CNTN5: variants seen among roughly 807,000 people sequenced by gnomAD.
CNTN5 encodes the protein contactin 5.
CNTN5 carries 77 observed loss-of-function variants against 129.1 expected under a neutral mutation model. That is an observed-to-expected ratio of 0.60 (90% CI 0.50 to 0.72). The LOEUF is 0.72. CNTN5 is among the 30% of genes least tolerant of loss of function. The pLI is 0.00. For synonymous variants in CNTN5, 509 were observed against 465.6 expected (o/e 1.09, Z -1.20); for missense variants, 1,478 against 1,328.8 (o/e 1.11, Z -1.75).
chr11:99,128,110 A>C (rs1322885854), intron 1 of CNTN5, among the ~76,000 whole-genome samples: 4 of 152,208 alleles, frequency 2.6e-5, no homozygotes, highest in Non-Finnish European at 5.9e-5. Context: ...GTCATGGAAA[A>C]GGGACTGAAG....
At chr11:99,800,624 A>G (rs1946084970) in intron 3 of CNTN5, among the ~76,000 whole-genome samples, 2 of 152,128 alleles carry the variant, frequency 1.3e-5, no homozygotes, top group Admixed American at 1.3e-4. Flanking sequence ...AAGTGCTCTA[A>G]TGTTTGATGA....
intron 3 of CNTN5, among the ~76,000 whole-genome samples, chr11:99,764,664 C>T (rs996371888): frequency 3.3e-5 from 5 of 152,118 alleles, no homozygotes; most frequent in African/African-American, 7.2e-5. Context: ...GATCCGCCTG[C>T]CTCAGCCTCC....
At chr11:100,313,351 G>C (rs1219506466) in intron 21 of CNTN5, among the ~76,000 whole-genome samples, 1 of 151,666 alleles carries the variant, frequency 6.6e-6, no homozygotes, top group Non-Finnish European at 1.5e-5. Flanking sequence ...TTTAGAGGCA[G>C]GGCTGGCAGG....
chr11:99,774,754 A>T (rs1392147955), intron 3 of CNTN5, among the ~76,000 whole-genome samples: 1 of 152,054 alleles, frequency 6.6e-6, no homozygotes, highest in Non-Finnish European at 1.5e-5. Context: ...TGTATGAATG[A>T]GCAATGTTTC....
At chr11:99,077,928 G>T (rs952130447) in intron 1 of CNTN5, among the ~76,000 whole-genome samples, 1 of 152,034 alleles carries the variant, frequency 6.6e-6, no homozygotes, top group African/African-American at 2.4e-5. Context: ...CCAATCTCAG[G>T]CAGTTCTTTA....
At chr11:100,133,858 C>T (rs1455555825) in intron 13 of CNTN5, among the ~76,000 whole-genome samples, 3 of 152,086 alleles carry the variant, frequency 2.0e-5, no homozygotes, top group Non-Finnish European at 4.4e-5. Flanking sequence ...CAATTTGTAT[C>T]TAATTTCAAA....
chr11:99,709,562 C>A (rs909129960), intron 3 of CNTN5, among the ~76,000 whole-genome samples: 4 of 151,800 alleles, frequency 2.6e-5, no homozygotes, highest in African/African-American at 9.7e-5. Context: ...ATATAAACCT[C>A]ACCAGAACAA....
chr11:100,093,884 A>C lies in CNTN5; in HGVS notation c.1580+19590A>C, dbSNP rs1250783831. Reference sequence around the variant, plus strand: ...CTAAGTAACTCTCATGAGCAGGCAGAAGGAGCAAACACAGCTGGTCAGGAT... The same window carrying C: ...CTAAGTAACTCTCATGAGCAGGCAGCAGGAGCAAACACAGCTGGTCAGGAT... On this transcript the variant is annotated intron_variant, in intron 13 of 24. Transcript: ENST00000524871. Among the ~76,000 whole-genome samples, 4 of 152,124 alleles carry C rather than the reference A, an allele frequency of 2.6e-5. No homozygotes were observed. The East Asian group carries it at 7.7e-4, about 29-fold the overall frequency.
chr11:100,276,901 G>C (rs1467738319), intron 18 of CNTN5, among the ~76,000 whole-genome samples: 1 of 151,554 alleles, frequency 6.6e-6, no homozygotes, highest in Non-Finnish European at 1.5e-5. Flanking sequence ...CAAATACTAG[G>C]TCTTATTTAT....
At chr11:99,736,057 T>C (rs1283705067) in intron 3 of CNTN5, among the ~76,000 whole-genome samples, 2 of 152,108 alleles carry the variant, frequency 1.3e-5, no homozygotes, top group African/African-American at 4.8e-5. Flanking sequence ...TCTCTGTCCC[T>C]CTCTCTCTTT....
At chr11:99,890,925 A>G (rs745976449) in intron 6 of CNTN5, among the ~76,000 whole-genome samples, 10 of 152,128 alleles carry the variant, frequency 6.6e-5, no homozygotes, top group Non-Finnish European at 8.8e-5. Context: ...CCCCAGTAAG[A>G]TAATGGGGGA....
chr11:99,721,114 TCTTCACAGAACTAGA>T (rs1943156663), intron 3 of CNTN5, among the ~76,000 whole-genome samples: 1 of 152,128 alleles, frequency 6.6e-6, no homozygotes, highest in African/African-American at 2.4e-5. Context: ...CCATCAGAAT[TCTTCACAGAACTAGA>T]GAAAATTATT....
intron 3 of CNTN5, among the ~76,000 whole-genome samples, chr11:99,784,709 A>G (rs6590336): frequency 0.66 from 99,231 of 151,014 alleles, 32,683 homozygotes; most frequent in East Asian, 0.72. Context: ...AAGCATTCCA[A>G]TTTCTCCACA....
chr11:99,239,030 TTC>T lies in CNTN5; in HGVS notation c.-209-86312_-209-86311del, dbSNP rs1482461097. 2.6e-5 allele frequency among the ~76,000 whole-genome samples: 4 copies of T among 152,154 alleles called. No individual in the cohort carries two copies. The East Asian group carries it at 5.8e-4, about 22-fold the overall frequency. Reference sequence around the variant, plus strand: ...TTTACAGGTTTATGTAGTAGTTTATTTCTCTGTTTTCCTCCTCATTTGGCTTA... The same window carrying T: ...TTTACAGGTTTATGTAGTAGTTTATTTCTGTTTTCCTCCTCATTTGGCTTA... On this transcript the variant is annotated intron_variant, in intron 1 of 24. Coordinates refer to ENST00000524871, the MANE Select transcript of CNTN5 (RefSeq NM_014361.4).
intron 1 of CNTN5, among the ~76,000 whole-genome samples, chr11:99,227,154 A>T (rs1860731818): frequency 6.6e-6 from 1 of 151,928 alleles, no homozygotes; most frequent in Non-Finnish European, 1.5e-5. Flanking sequence ...AGGTCAGGAG[A>T]TCAAGGCCAT....
chr11:100,197,081 A>G (rs61908151), intron 15 of CNTN5, among the ~76,000 whole-genome samples: 19,940 of 151,902 alleles, frequency 0.13, 1,467 homozygotes, highest in Middle Eastern at 0.24. Context: ...CTGGCCTCAG[A>G]TCCATTCAAA....
intron 3 of CNTN5, among the ~76,000 whole-genome samples, chr11:99,728,574 T>C (rs1197753804): frequency 2.0e-5 from 3 of 152,214 alleles, no homozygotes; most frequent in Non-Finnish European, 4.4e-5. Context: ...AGGTATTGCT[T>C]TCCTTTATTA....
intron 8 of CNTN5, among the ~76,000 whole-genome samples, chr11:99,962,984 C>G (rs974683221): frequency 2.0e-5 from 3 of 151,808 alleles, no homozygotes; most frequent in Admixed American, 1.3e-4. Flanking sequence ...TCATATCCTT[C>G]GCCCACTTTT....
At chr11:100,333,663 C>T (rs1169730307) in intron 21 of CNTN5, among the ~76,000 whole-genome samples, 1 of 152,062 alleles carries the variant, frequency 6.6e-6, no homozygotes, top group Non-Finnish European at 1.5e-5. Flanking sequence ...TTTGACAAAT[C>T]AAACAAAAAC....
Sources: allele counts gnomAD v4.1 joint callset (sites outside exome capture counted in the v4.1 genomes callset), GRCh38; gene constraint gnomAD v4.1.1; transcripts MANE v1.5; gene names NCBI Gene and HGNC (gene_info 2026-07-23, HGNC 2026-07-21).